The following GNPTG variants were observed in gnomAD, a reference collection of about 807,000 sequenced individuals.
The protein encoded by GNPTG is N-acetylglucosamine-1-phosphotransferase subunit gamma.
A neutral mutation model predicts 43.8 loss-of-function variants in GNPTG; 46 were observed. The observed-to-expected ratio is 1.05, with a 90% confidence interval of 0.83 to 1.34. The LOEUF is 1.34. GNPTG is among the 40% of genes most tolerant of loss of function. The pLI is 0.00. For synonymous variants in GNPTG, 250 were observed against 172.8 expected (o/e 1.45, Z -3.50); for missense variants, 549 against 411.3 (o/e 1.33, Z -2.90).
intron 3 of GNPTG, chr16:1,361,478 A>G (rs987794846): frequency 2.4e-6 from 1 of 423,392 alleles, no homozygotes; most frequent in Non-Finnish European, 4.4e-6. Context: ...CCCCGTCTCT[A>G]CTAAAAATAC....
In GNPTG at chr16:1,355,203, G is replaced by A. The variant is rs1460480224; in HGVS notation, c.178+2897G>A. On this transcript the variant is annotated intron_variant, in intron 3 of 10. Coordinates refer to ENST00000204679, the MANE Select transcript of GNPTG (RefSeq NM_032520.5). ...GATCGTCTCCCGCGTCTGTGGGGTC[G>A]GGTGTGGATCCTCTCCTGCGTCTGT... 1.2e-3 allele frequency among the ~76,000 whole-genome samples: 177 copies of A among 152,262 alleles called. 1 individual carries two copies. Among genetic ancestry groups the A allele is most frequent in the Admixed American group, 6.5e-5 (1 of 15,302 alleles).
intron 3 of GNPTG, among the ~76,000 whole-genome samples, chr16:1,359,690 TC>T (rs1247246144): frequency 6.6e-6 from 1 of 152,220 alleles, no homozygotes; most frequent in Non-Finnish European, 1.5e-5. Context: ...TGATTTGGGG[TC>T]CTCTGAGACT....
At position 1,363,117 on chromosome 16, in the gene GNPTG, A is replaced by T. The variant is rs1445812088; in HGVS notation, c.*26A>T. 2 of 1,605,676 alleles carry T rather than the reference A, an allele frequency of 1.2e-6. No homozygotes were observed. Among genetic ancestry groups the T allele is most frequent in the African/African-American group, 2.7e-5 (2 of 74,816 alleles). On this transcript the variant is annotated 3_prime_UTR_variant, in exon 11 of 11. Coordinates refer to ENST00000204679, the MANE Select transcript of GNPTG (RefSeq NM_032520.5). ...CCTTGTGGTGGGAGAGCAGAGGTGG[A>T]CGCGGCCGAGAGCCCTACAGAGAAG...
At chr16:1,362,802 T>G in intron 9 of GNPTG, 23 bp from the exon 10 acceptor site, 2 of 1,614,064 alleles carry the variant, frequency 1.2e-6, no homozygotes, top group South Asian at 1.1e-5. Context: ...GGCTTTCCCT[T>G]GAACTCTTTT....
chr16:1,360,177 A>G (rs1405856928), intron 3 of GNPTG, among the ~76,000 whole-genome samples: 1 of 151,910 alleles, frequency 6.6e-6, no homozygotes, highest in Non-Finnish European at 1.5e-5. Flanking sequence ...TTGTGCGTGG[A>G]TAATTGTGGT....
In GNPTG at chr16:1,361,928, G is replaced by C. The variant is rs778481117; in HGVS notation, c.290G>C (p.Arg97Pro). Residue 97 changes from arginine to proline, a missense_variant, in exon 5 of 11, where the codon CGC (arginine) becomes CCC (proline). Coordinates refer to ENST00000204679, the MANE Select transcript of GNPTG (RefSeq NM_032520.5). ...GTGACCCAGCACGAGCAGACCTTCCGCTGGAACGCCTACAGTGGGATCCTC... is the reference window on the plus strand; with the variant it reads ...GTGACCCAGCACGAGCAGACCTTCCCCTGGAACGCCTACAGTGGGATCCTC... ...HNVTQHEQTF[R>P]WNAYSGILGI... is the part of the protein sequence containing the mutation. 3.1e-6 allele frequency: 5 copies of C among 1,613,510 alleles called. No homozygotes were observed. In the African/African-American group the frequency reaches 5.3e-5, roughly 17 times the overall value.
At position 1,362,283 on chromosome 16, in the gene GNPTG, C is replaced by G; in HGVS notation, c.489C>G (p.Phe163Leu). 3.1e-6 allele frequency: 5 copies of G among 1,613,386 alleles called. No individual in the cohort carries two copies. The highest frequency in any genetic ancestry group is 4.2e-6 in the Non-Finnish European group (5 of 1,179,970). The stretch of plus-strand genomic sequence containing the variant: ...GCACCTGCGTCTACGCGCTGACGTT[C>G]GAGACCCCCCTCGTCTGCCACCCCC... ...EPSTCVYALT[F>L]ETPLVCHPHA... is the part of the protein sequence containing the mutation. The change falls in exon 7 of 11, where the codon TTC becomes TTG. Residue 163 changes from phenylalanine (F) to leucine (L), a missense_variant. Physicochemically the swap from Phe to Leu is conservative, Grantham distance 22 (BLOSUM62 0). Coordinates refer to ENST00000204679, the MANE Select transcript of GNPTG (RefSeq NM_032520.5).
rs1280591576 is a variant in GNPTG at position 1,363,494 on chromosome 16, C to A, written c.*403C>A. The A allele has an allele frequency of 3.3e-6, 1 of 299,402 alleles. No homozygotes were observed. The highest frequency in any genetic ancestry group is 6.5e-6 in the Non-Finnish European group (1 of 153,140). 18.5% of individuals were successfully genotyped at this position (299,402 alleles called of 1,614,324 possible). A position where few individuals can be genotyped will look rare whatever the true frequency, so the allele number is the denominator to read the frequency against. ...GACCACAGTTACACACGTCGTGACA[C>A]CACTGTATCACGGCGAATGTCGAAC... is the stretch of plus-strand genomic sequence containing the variant. On this transcript the variant is annotated 3_prime_UTR_variant, in exon 11 of 11. Coordinates refer to ENST00000204679, the MANE Select transcript of GNPTG (RefSeq NM_032520.5).
rs147109185 is a variant in GNPTG at position 1,362,244 on chromosome 16, T to A, written c.450T>A (p.His150Gln). The A allele has an allele frequency of 6.2e-7, 1 of 1,613,516 alleles. No homozygotes were observed. Among genetic ancestry groups the A allele is most frequent in the East Asian group, 2.2e-5 (1 of 44,878 alleles). The change falls in exon 7 of 11, where the codon CAT becomes CAA. Residue 150 changes from histidine (H) to glutamine (Q), a missense_variant. Physicochemically the swap from His to Gln is conservative, Grantham distance 24. Coordinates refer to ENST00000204679, the MANE Select transcript of GNPTG (RefSeq NM_032520.5). ...LACGKSNRLA[H>Q]VSEPSTCVYA... ...GTGGAAAAAGCAACCGGCTGGCCCA[T>A]GTGTCCGAGCCGAGCACCTGCGTCT...
At chr16:1,362,418 G>GTGCA (rs780062523) in intron 7 of GNPTG, 34 bp from the exon 8 acceptor site, 3 of 1,612,438 alleles carry the variant, frequency 1.9e-6, no homozygotes, top group Non-Finnish European at 2.5e-6. Flanking sequence ...GGGACATGGG[G>GTGCA]TGCAGCTGAG....
At position 1,363,886 on chromosome 16, in the gene GNPTG, C is replaced by G. The variant is rs1181740752; in HGVS notation, c.*795C>G. The stretch of plus-strand genomic sequence containing the variant: ...CCCAGCTGTCCCCCCACCCCTGGGG[C>G]TCCCCAGCTCTACCACCCCGGAAGC... On this transcript the variant is annotated 3_prime_UTR_variant, in exon 11 of 11. Coordinates refer to ENST00000204679, the MANE Select transcript of GNPTG (RefSeq NM_032520.5). 1 of 152,534 alleles carries G rather than the reference C, an allele frequency of 6.6e-6. No individual in the cohort carries two copies. The highest frequency in any genetic ancestry group is 1.5e-5 in the Non-Finnish European group (1 of 68,310). 9.4% of individuals were successfully genotyped at this position (152,534 alleles called of 1,614,324 possible).
At chr16:1,362,401 C>A in intron 7 of GNPTG, 51 bp from the exon 8 acceptor site, 3 of 1,611,192 alleles carry the variant, frequency 1.9e-6, no homozygotes, top group Non-Finnish European at 1.7e-6. Context: ...TGCTGGGGGC[C>A]AGGGTTGGGA....
At chr16:1,357,685 TTG>T (rs1003036596) in intron 3 of GNPTG, 6 of 154,210 alleles carry the variant, frequency 3.9e-5, no homozygotes, top group South Asian at 2.0e-4. Flanking sequence ...GGCTAATTTT[TTG>T]TGTTTTTAAC....
intron 3 of GNPTG, among the ~76,000 whole-genome samples, chr16:1,354,691 C>T (rs1466305565): frequency 6.6e-6 from 1 of 151,328 alleles, no homozygotes; most frequent in Non-Finnish European, 1.5e-5. Flanking sequence ...TTCACATGTG[C>T]ATTTGGTTCA....
In GNPTG at chr16:1,361,866, C is replaced by T. The variant is rs200003910; in HGVS notation, c.234-6C>T. The T allele has an allele frequency of 2.0e-5, 32 of 1,613,928 alleles. No individual in the cohort carries two copies. Among genetic ancestry groups the T allele is most frequent in the African/African-American group, 1.6e-4 (12 of 75,064 alleles). On this transcript the variant is annotated splice_polypyrimidine_tract_variant and splice_region_variant and intron_variant, in intron 4 of 10. Transcript: ENST00000204679. Reference sequence around the variant, plus strand: ...CGGACCCCCCTCATGCCATCTGTGTCCCCAGGTACAAGTATGAGTTCTGCC... The same window carrying T: ...CGGACCCCCCTCATGCCATCTGTGTTCCCAGGTACAAGTATGAGTTCTGCC...
chr16:1,363,177 GGCTTGT>G lies in GNPTG; in HGVS notation c.*90_*95del. Reference sequence around the variant, plus strand: ...AGGACCCGCAGGGACCAGCTGACCAGGCTTGTGCTCAGAGAAGCAGACAAAACAAAG... The same window carrying G: ...AGGACCCGCAGGGACCAGCTGACCAGGCTCAGAGAAGCAGACAAAACAAAG... On this transcript the variant is annotated 3_prime_UTR_variant, in exon 11 of 11. Coordinates refer to ENST00000204679, the MANE Select transcript of GNPTG (RefSeq NM_032520.5). 2 of 1,161,562 alleles carry G rather than the reference GGCTTGT, an allele frequency of 1.7e-6. No individual in the cohort carries two copies. Among genetic ancestry groups the G allele is most frequent in the Non-Finnish European group, 2.5e-6 (2 of 790,212 alleles). 72.0% of individuals were successfully genotyped at this position (1,161,562 alleles called of 1,614,324 possible).
At chr16:1,354,602 A>AAAAAAC (rs2034741467) in intron 3 of GNPTG, among the ~76,000 whole-genome samples, 8 of 150,870 alleles carry the variant, frequency 5.3e-5, no homozygotes, top group African/African-American at 1.9e-4. Flanking sequence ...AAAAAAAAAA[A>AAAAAAC]AAAAAAACCC....
At position 1,363,152 on chromosome 16, in the gene GNPTG, A is replaced by G. The variant is rs1456558378; in HGVS notation, c.*61A>G. On this transcript the variant is annotated 3_prime_UTR_variant, in exon 11 of 11. Transcript: ENST00000204679. ...GAGCCCTACAGAGAAGCTGGCTGGT[A>G]GGACCCGCAGGGACCAGCTGACCAG... 2.8e-6 allele frequency: 4 copies of G among 1,447,062 alleles called. No individual in the cohort carries two copies. In the East Asian group the frequency reaches 9.4e-5, roughly 34 times the overall value. 89.6% of individuals were successfully genotyped at this position (1,447,062 alleles called of 1,614,324 possible). A position where few individuals can be genotyped will look rare whatever the true frequency, so the allele number is the denominator to read the frequency against.
chr16:1,359,244 G>A (rs1178397457), intron 3 of GNPTG, among the ~76,000 whole-genome samples: 1 of 152,074 alleles, frequency 6.6e-6, no homozygotes, highest in Non-Finnish European at 1.5e-5. Context: ...CCCATTCTGT[G>A]GGTTGTCTTT....
Sources: gnomAD v4.1 joint callset for allele counts (sites outside exome capture counted in the v4.1 genomes callset) on GRCh38, gnomAD v4.1.1 for gene constraint, MANE v1.5 for transcripts, NCBI Gene and HGNC (gene_info 2026-07-23, HGNC 2026-07-21) for gene names.